The following SAMD3 variants were observed in gnomAD, a reference collection of about 807,000 sequenced individuals.
The protein encoded by SAMD3 is sterile alpha motif domain-containing protein 3.
Under a neutral mutation model 58.5 loss-of-function variants are expected in SAMD3, and 63 were observed. The observed-to-expected ratio is 1.08, with a 90% CI of 0.88 to 1.33. The LOEUF (loss-of-function observed/expected upper bound fraction) is 1.33, where lower values mean the gene tolerates loss of function less well. Ranked by LOEUF, SAMD3 falls within the 40% of genes most tolerant of loss-of-function variation. The pLI is 0.00. For missense variants in SAMD3, 604 were observed against 608.4 expected (o/e 0.99, Z 0.08); for synonymous variants, 220 against 210.3 (o/e 1.05, Z -0.40).
At chr6:130,353,393 G>A (rs1777738166) in intron 1 of SAMD3, among the ~76,000 whole-genome samples, 1 of 152,048 alleles carries the variant, frequency 6.6e-6, no homozygotes, top group South Asian at 2.1e-4. Context: ...TAACACATGT[G>A]TTTTTGTTTT....
intron 1 of SAMD3, among the ~76,000 whole-genome samples, chr6:130,341,814 G>GT (rs1272608907): frequency 1.3e-5 from 2 of 152,114 alleles, no homozygotes; most frequent in African/African-American, 4.8e-5. Flanking sequence ...ATTTCACCGT[G>GT]TCTTCCCCAT....
chr6:130,307,752 T>G (rs1447920308), intron 2 of SAMD3, among the ~76,000 whole-genome samples: 2 of 152,244 alleles, frequency 1.3e-5, no homozygotes, highest in Non-Finnish European at 2.9e-5. Context: ...CAAAATGTAG[T>G]AGGCCCACAC....
chr6:130,278,321 T>G (rs565624828), intron 2 of SAMD3, among the ~76,000 whole-genome samples: 1 of 152,282 alleles, frequency 6.6e-6, no homozygotes, highest in South Asian at 2.1e-4. Context: ...CCTTGAATAC[T>G]TGGGGAGTCT....
chr6:130,321,000 T>C (rs1776566890), intron 1 of SAMD3, among the ~76,000 whole-genome samples: 1 of 152,226 alleles, frequency 6.6e-6, no homozygotes, highest in Admixed American at 6.5e-5. Context: ...TGCTCCTTAC[T>C]TCATTCTAGC....
intron 2 of SAMD3, among the ~76,000 whole-genome samples, chr6:130,280,463 G>A (rs1232219464): frequency 6.6e-6 from 1 of 151,958 alleles, no homozygotes; most frequent in Non-Finnish European, 1.5e-5. Context: ...ATGCCTCCCC[G>A]TGGCACTCAC....
rs531929119 is a variant in SAMD3 at position 130,360,280 on chromosome 6, G to C, written c.-304+4840C>G. ...GCCAACGTTTTCTCATGTTCCAAAA[G>C]AAATGTGTGAAAGTATCGGGGAACC... On this transcript the variant is annotated intron_variant, in intron 1 of 13. Coordinates refer to the SAMD3 transcript ENST00000368134. 2.4e-4 allele frequency among the ~76,000 whole-genome samples: 37 copies of C among 152,316 alleles called. 1 individual carries two copies. Among genetic ancestry groups the C allele is most frequent in the African/African-American group, 8.7e-4 (36 of 41,574 alleles).
rs1271183060 is a variant in SAMD3, at chr6:130,252,374, A to C, written c.-187-29561T>G. On this transcript the variant is annotated intron_variant, in intron 2 of 13. Transcript: ENST00000368134. ...TTTAACAGTCTTTGCTTTCCTTTAC[A>C]TCTCATTTTTTTTCTTCCTGAAATA... Among the ~76,000 whole-genome samples the C allele has an allele frequency of 4.7e-5, 7 of 147,534 alleles. No individual in the cohort carries two copies. In the East Asian group the frequency reaches 1.5e-3, roughly 33 times the overall value.
chr6:130,234,740 C>G (rs1796635693), intron 2 of SAMD3, among the ~76,000 whole-genome samples: 1 of 152,204 alleles, frequency 6.6e-6, no homozygotes, highest in Non-Finnish European at 1.5e-5. Context: ...CTAATATTCA[C>G]TTGTCTTGTC....
At chr6:130,188,896 C>G (rs371997872) in intron 5 of SAMD3, among the ~76,000 whole-genome samples, 4 of 152,094 alleles carry the variant, frequency 2.6e-5, no homozygotes, top group Non-Finnish European at 5.9e-5. Flanking sequence ...GTTCCTGCCC[C>G]CTTAATCCTC....
At position 130,184,123 on chromosome 6, in the gene SAMD3, C is replaced by T; in HGVS notation, c.634G>A (p.Asp212Asn). The T allele has an allele frequency of 2.5e-6, 4 of 1,613,962 alleles. No individual in the cohort carries two copies. Among genetic ancestry groups the T allele is most frequent in the South Asian group, 1.1e-5 (1 of 91,066 alleles). The change falls in exon 7 of 12, where the codon GAT (aspartate) becomes AAT (asparagine). Residue 212 changes from aspartate (D) to asparagine (N), a missense_variant. Transcript: ENST00000439090. ...NALLQAHPFL[D>N]EDGCGFFLWK... ...CTTACGAAGCCACAGCCATCCTCAT[C>T]CAGGAAAGGGTGGGCCTGCAGCAGG...
intron 2 of SAMD3, among the ~76,000 whole-genome samples, chr6:130,300,813 T>C (rs1291942313): frequency 6.6e-6 from 1 of 152,146 alleles, no homozygotes; most frequent in Non-Finnish European, 1.5e-5. Context: ...CAAATATCAG[T>C]AGCATTTCTT....
At chr6:130,198,508 C>G (rs955581476) in intron 5 of SAMD3, among the ~76,000 whole-genome samples, 4 of 152,164 alleles carry the variant, frequency 2.6e-5, no homozygotes, top group African/African-American at 9.7e-5. Context: ...CACATCTAGC[C>G]TAAATTTGTG....
intron 2 of SAMD3, among the ~76,000 whole-genome samples, chr6:130,308,391 TTC>T (rs1234238798): frequency 2.1e-5 from 3 of 145,478 alleles, no homozygotes; most frequent in Non-Finnish European, 4.5e-5. Context: ...TTCTATTCTA[TTC>T]TATTCTATTC....
intron 2 of SAMD3, among the ~76,000 whole-genome samples, chr6:130,279,457 C>A (rs528269765): frequency 3.5e-4 from 53 of 151,838 alleles, no homozygotes; most frequent in Non-Finnish European, 1.0e-4. Context: ...GAGGCCTCCC[C>A]AGCCATATGG....
intron 7 of SAMD3, chr6:130,183,294 G>A (rs1375659636): frequency 7.0e-6 from 3 of 429,202 alleles, no homozygotes; most frequent in Non-Finnish European, 9.0e-6. Flanking sequence ...CTGAGATCGC[G>A]CCACTATACT....
chr6:130,183,746 CAG>C (rs1792639173), intron 7 of SAMD3, among the ~76,000 whole-genome samples: 1 of 151,842 alleles, frequency 6.6e-6, no homozygotes, highest in Non-Finnish European at 1.5e-5. Flanking sequence ...AACATGATGA[CAG>C]AGAGAGACAA....
intron 1 of SAMD3, among the ~76,000 whole-genome samples, chr6:130,320,092 G>A (rs963775418): frequency 6.6e-5 from 10 of 151,978 alleles, no homozygotes. Flanking sequence ...CCAAAAGAAG[G>A]CAGTAAAAGG....
At chr6:130,345,021 A>C (rs948755281) in intron 1 of SAMD3, among the ~76,000 whole-genome samples, 1 of 152,096 alleles carries the variant, frequency 6.6e-6, no homozygotes, top group Non-Finnish European at 1.5e-5. Flanking sequence ...TTTATGAACC[A>C]AAACTAGGCT....
intron 2 of SAMD3, among the ~76,000 whole-genome samples, chr6:130,253,156 T>G (rs1042127326): frequency 6.6e-6 from 1 of 152,236 alleles, no homozygotes. Context: ...ACTTCACTAC[T>G]TCCAGCACAT....
Sources: gnomAD v4.1 joint callset for allele counts (sites outside exome capture counted in the v4.1 genomes callset) on GRCh38, gnomAD v4.1.1 for gene constraint, MANE v1.5 for transcripts, NCBI Gene and HGNC (gene_info 2026-07-23, HGNC 2026-07-21) for gene names.